The following KIF26B variants were observed in gnomAD, a reference collection of about 807,000 sequenced individuals.
The protein encoded by KIF26B is kinesin family member 26B, also known as kinesin-like protein KIF26B.
A neutral mutation model predicts 151.2 loss-of-function variants in KIF26B; 63 were observed. That is an observed-to-expected ratio of 0.42 (90% confidence interval 0.34 to 0.51). The LOEUF is 0.51. Ranked by LOEUF, KIF26B falls within the 20% of genes least tolerant of loss-of-function variation. KIF26B has a pLI of 0.07. For synonymous variants in KIF26B, 1,357 were observed against 1,262.1 expected (o/e 1.08, Z -1.59); for missense variants, 2,813 against 2,913.6 (o/e 0.97, Z 0.79).
At chr1:245,388,865 T>C (rs1381884404) in intron 3 of KIF26B, among the ~76,000 whole-genome samples, 1 of 152,186 alleles carries the variant, frequency 6.6e-6, no homozygotes. Flanking sequence ...CAGGGTGAGA[T>C]TTGAACTGTG....
intron 12 of KIF26B, among the ~76,000 whole-genome samples, chr1:245,694,548 G>T (rs558017242): frequency 6.6e-6 from 1 of 152,224 alleles, no homozygotes; most frequent in Non-Finnish European, 1.5e-5. Flanking sequence ...GCAGACTCGT[G>T]TGGGGACTTC....
intron 2 of KIF26B, among the ~76,000 whole-genome samples, chr1:245,335,353 T>C (rs1572010227): frequency 6.6e-6 from 1 of 152,144 alleles, no homozygotes; most frequent in African/African-American, 2.4e-5. Flanking sequence ...CTCCTGCTTG[T>C]GGTTTACCTG....
At chr1:245,156,211 G>C (rs981024278) in intron 1 of KIF26B, 71 bp from the exon 2 acceptor site, 2 of 1,505,642 alleles carry the variant, frequency 1.3e-6, no homozygotes, top group Non-Finnish European at 1.8e-6. Context: ...GGTGGCGCAC[G>C]TATGACCCAG....
chr1:245,398,617 G>A (rs1329898732), intron 3 of KIF26B, among the ~76,000 whole-genome samples: 2 of 152,044 alleles, frequency 1.3e-5, no homozygotes, highest in Admixed American at 6.6e-5. Flanking sequence ...TTTACCAGAT[G>A]TGAGCCCAGT....
At chr1:245,219,040 G>T (rs1160215030) in intron 2 of KIF26B, among the ~76,000 whole-genome samples, 2 of 149,654 alleles carry the variant, frequency 1.3e-5, no homozygotes, top group Admixed American at 1.3e-4. Flanking sequence ...AGTCAAGAGT[G>T]TCTTGTTCTG....
chr1:245,419,124 A>G (rs1658399368), intron 3 of KIF26B, among the ~76,000 whole-genome samples: 1 of 152,136 alleles, frequency 6.6e-6, no homozygotes, highest in Non-Finnish European at 1.5e-5. Context: ...ATACCGTTGT[A>G]TTTTGATTCC....
At chr1:245,400,335 G>A (rs147852538) in intron 3 of KIF26B, among the ~76,000 whole-genome samples, 28 of 152,108 alleles carry the variant, frequency 1.8e-4, no homozygotes, top group African/African-American at 5.8e-4. Context: ...CTTTACATTC[G>A]CCTATTTTAC....
intron 4 of KIF26B, among the ~76,000 whole-genome samples, chr1:245,478,567 A>G (rs930379203): frequency 3.3e-5 from 5 of 150,986 alleles, no homozygotes; most frequent in African/African-American, 7.3e-5. Context: ...AGCTGGGACT[A>G]CACCACGTCT....
chr1:245,157,035 C>G (rs568064665), intron 2 of KIF26B, among the ~76,000 whole-genome samples: 168 of 152,326 alleles, frequency 1.1e-3, no homozygotes, highest in African/African-American at 3.9e-3. Context: ...TCCCCACCCC[C>G]ACCTGTGATC....
At chr1:245,225,066 C>T (rs1669847412) in intron 2 of KIF26B, among the ~76,000 whole-genome samples, 1 of 152,220 alleles carries the variant, frequency 6.6e-6, no homozygotes, top group South Asian at 2.1e-4. Flanking sequence ...TTTTACACTT[C>T]TACCACAATG....
intron 2 of KIF26B, among the ~76,000 whole-genome samples, chr1:245,349,691 T>G (rs1195095342): frequency 2.0e-5 from 3 of 152,132 alleles, no homozygotes; most frequent in African/African-American, 7.2e-5. Context: ...CCAGGCATAG[T>G]TAACAATAAA....
intron 4 of KIF26B, among the ~76,000 whole-genome samples, chr1:245,435,526 C>T (rs1182142657): frequency 6.6e-6 from 1 of 152,230 alleles, no homozygotes; most frequent in Non-Finnish European, 1.5e-5. Flanking sequence ...AGGTACTTGT[C>T]TAGCTTATTC....
At chr1:245,465,133 C>T (rs949242083) in intron 4 of KIF26B, among the ~76,000 whole-genome samples, 1 of 60,246 alleles carries the variant, frequency 1.7e-5, no homozygotes, top group Admixed American at 1.4e-4. Context: ...CGCCCGCCAC[C>T]ACACCCGGCT....
chr1:245,537,452 TA>T (rs771309934), intron 4 of KIF26B, among the ~76,000 whole-genome samples: 1 of 152,138 alleles, frequency 6.6e-6, no homozygotes, highest in Non-Finnish European at 1.5e-5. Flanking sequence ...ACTTAAATCT[TA>T]AAAGAGTTAC....
intron 9 of KIF26B, among the ~76,000 whole-genome samples, chr1:245,619,603 C>CAAAAAAAAAA (rs34022501): frequency 7.0e-4 from 77 of 110,720 alleles, no homozygotes; most frequent in South Asian, 2.1e-3. Flanking sequence ...GAAACTGTTT[C>CAAAAAAAAAA]AAAAAAAAAA....
intron 3 of KIF26B, among the ~76,000 whole-genome samples, chr1:245,374,774 T>C (rs4658759): frequency 1.3e-5 from 2 of 152,192 alleles, no homozygotes; most frequent in African/African-American, 2.4e-5. Flanking sequence ...GAAAAAAGAA[T>C]CAATTTGTAT....
chr1:245,268,038 G>A (rs1670778813), intron 2 of KIF26B, among the ~76,000 whole-genome samples: 1 of 152,090 alleles, frequency 6.6e-6, no homozygotes, highest in Non-Finnish European at 1.5e-5. Context: ...CAGGCACAGT[G>A]CCTCATGCCT....
intron 2 of KIF26B, among the ~76,000 whole-genome samples, chr1:245,315,888 A>C (rs957889098): frequency 6.6e-6 from 1 of 152,080 alleles, no homozygotes; most frequent in Admixed American, 6.6e-5. Context: ...GAGAGAGTAA[A>C]AAATGGTTCA....
intron 9 of KIF26B, among the ~76,000 whole-genome samples, chr1:245,628,000 A>C (rs1252619547): frequency 2.0e-5 from 3 of 152,192 alleles, no homozygotes; most frequent in South Asian, 2.1e-4. Flanking sequence ...TAGCCTACCA[A>C]CCAAAAAAAG....
Sources: allele counts gnomAD v4.1 joint callset (sites outside exome capture counted in the v4.1 genomes callset), GRCh38; gene constraint gnomAD v4.1.1; transcripts MANE v1.5; gene names NCBI Gene and HGNC (gene_info 2026-07-23, HGNC 2026-07-21).